TLN1: variants seen among roughly 807,000 people sequenced by gnomAD.
TLN1 encodes the protein talin 1.
A neutral mutation model predicts 292.3 loss-of-function variants in TLN1; 56 were observed. The observed-to-expected ratio is 0.19, with a 90% CI of 0.15 to 0.24. The LOEUF is 0.24. Among genes scored for constraint, TLN1 ranks in the 10% least tolerant of loss-of-function variants. The pLI is 1.00. For synonymous variants in TLN1, 1,119 were observed against 1,253.7 expected, an observed-to-expected ratio of 0.89 and a Z score of 2.27; for missense variants, 2,433 against 3,248.2, an observed-to-expected ratio of 0.75 and a Z score of 6.10.
rs1452034439 is a variant in TLN1 at position 35,729,069 on chromosome 9, T to C, written c.-34+3006A>G. On this transcript the variant is annotated intron_variant, in intron 1 of 56. Transcript: ENST00000314888. ...AAAAACAATAGTGATCTGCCATTTA[T>C]TGACTATGTCACTTGCATTGTATAC... 5.9e-3 allele frequency among the ~76,000 whole-genome samples: 6 copies of C among 1,024 alleles called. No individual in the cohort carries two copies. The East Asian group carries it at 0.42, about 71-fold the overall frequency. The allele number at this position is 1,024 out of a possible 152,430, so 0.7% of individuals were successfully genotyped here. A position where few individuals can be genotyped will look rare whatever the true frequency, so the allele number is the denominator to read the frequency against.
rs534636564 is a variant in TLN1, at chr9:35,723,827, G to T, written c.782+125C>A. Reference sequence around the variant, plus strand: ...GGCAACTAAAAGGGTAGCTATGTTGGTCAAACCCTGGTACCTCGGAAGAAG... The same window carrying T: ...GGCAACTAAAAGGGTAGCTATGTTGTTCAAACCCTGGTACCTCGGAAGAAG... On this transcript the variant is annotated intron_variant, in intron 7 of 56. Transcript: ENST00000314888. 5.2e-5 allele frequency: 76 copies of T among 1,468,582 alleles called. No individual in the cohort carries two copies. In the Admixed American group the frequency reaches 1.4e-3, roughly 28 times the overall value. The allele number at this position is 1,468,582 out of a possible 1,614,324, so 91.0% of individuals were successfully genotyped here. A position where few individuals can be genotyped will look rare whatever the true frequency, so the allele number is the denominator to read the frequency against.
At position 35,701,697 on chromosome 9, in the gene TLN1, G is replaced by A. The variant is rs1182899307; in HGVS notation, c.6475-1321C>T. Among the ~76,000 whole-genome samples the A allele has an allele frequency of 2.0e-5, 3 of 152,222 alleles. No homozygotes were observed. In the East Asian group the frequency reaches 5.8e-4, roughly 29 times the overall value. On this transcript the variant is annotated intron_variant, in intron 48 of 56. Transcript: ENST00000314888. ...ATAAATCCAGTTAAGGACTGATGAT[G>A]GTTTGGACAGTGTGGTAGTGGTAGG...
At chr9:35,731,078 A>T (rs1826069991) in intron 1 of TLN1, among the ~76,000 whole-genome samples, 1 of 152,184 alleles carries the variant, frequency 6.6e-6, no homozygotes. Context: ...CTGGAATCCC[A>T]GATGCCTGCA....
At position 35,717,818 on chromosome 9, in the gene TLN1, G is replaced by A. The variant is rs767331405; in HGVS notation, c.1996-32C>T. 8 of 1,580,556 alleles carry A rather than the reference G, an allele frequency of 5.1e-6. 1 individual carries two copies. The South Asian group carries it at 9.0e-5, about 18-fold the overall frequency. ...GAAAACAGCAGTTAGCATGACCTGA[G>A]ATTGGGCTTGGGATTCACAGACACT... On this transcript the variant is annotated intron_variant, in intron 17 of 56. Transcript: ENST00000314888. This position sits in a 1 kb window ranked among gnomAD's most constrained non-coding sequence, Gnocchi z 4.7.
chr9:35,717,082 G>A lies in TLN1; in HGVS notation c.2458+64C>T. ...GAAGTGGTTAGGTCCGCAAGGGGAT[G>A]ATGTCCAGTGGGCTTAGGGAACCCT... On this transcript the variant is annotated intron_variant, in intron 19 of 56. Transcript: ENST00000314888. This position sits in a 1 kb window ranked among gnomAD's most constrained non-coding sequence, Gnocchi z 4.7. 6.5e-7 allele frequency: 1 copy of A among 1,528,246 alleles called. No homozygotes were observed. Among genetic ancestry groups the A allele is most frequent in the Non-Finnish European group, 8.8e-7 (1 of 1,133,904 alleles). The allele number at this position is 1,528,246 out of a possible 1,614,324, so 94.7% of individuals were successfully genotyped here.
rs374958442 is a variant in TLN1, at chr9:35,706,216, C to T, written c.5341G>A (p.Glu1781Lys). The change falls in exon 40 of 57, where the codon GAG becomes AAG. Residue 1781 changes from glutamate (E) to lysine (K), a missense_variant. Coordinates refer to ENST00000314888, the MANE Select transcript of TLN1 (RefSeq NM_006289.4). This position sits in a 1 kb window ranked among gnomAD's most constrained non-coding sequence, Gnocchi z 4.2. Reference sequence around the variant, plus strand: ...AATACCTTTGGGTTACCACCAGCCTCCTTGGCAGTGTATAGCAACTGCAGG... The same window carrying T: ...AATACCTTTGGGTTACCACCAGCCTTCTTGGCAGTGTATAGCAACTGCAGG... The part of the protein sequence containing the change: ...SALQLLYTAK[E>K]AGGNPKQAAH... The T allele has an allele frequency of 1.9e-6, 3 of 1,609,626 alleles. No homozygotes were observed. The highest frequency in any genetic ancestry group is 2.5e-6 in the Non-Finnish European group (3 of 1,177,668).
rs1166192635 is a variant in TLN1 at position 35,714,397 on chromosome 9, TG to T, written c.2986-25del. ...GGCTGTTGGGGAATAGGCAGGTGGATGAAGTGTGCCATCCTCCCTCTGGGCT... is the reference window on the plus strand; with the variant it reads ...GGCTGTTGGGGAATAGGCAGGTGGATAAGTGTGCCATCCTCCCTCTGGGCT... On this transcript the variant is annotated intron_variant, in intron 23 of 56. Coordinates refer to ENST00000314888, the MANE Select transcript of TLN1 (RefSeq NM_006289.4). This position sits in a 1 kb window ranked among gnomAD's most constrained non-coding sequence, Gnocchi z 4.6. The T allele has an allele frequency of 4.4e-6, 7 of 1,597,602 alleles. No individual in the cohort carries two copies. In the East Asian group the frequency reaches 1.6e-4, roughly 36 times the overall value.
Position 35,711,679 on chromosome 9 carries a change from C to T in TLN1, c.3795G>A (p.Gln1265=), listed in dbSNP as rs1825671451. 7.4e-6 allele frequency: 12 copies of T among 1,614,090 alleles called. No homozygotes were observed. The highest frequency in any genetic ancestry group is 1.3e-5 in the African/African-American group (1 of 74,946). The change falls in exon 29 of 57, where the codon CAG becomes CAA. Residue 1265 remains glutamine, a synonymous_variant. Coordinates refer to ENST00000314888, the MANE Select transcript of TLN1 (RefSeq NM_006289.4). ...ATCGGCCTGAGGCTCGAGCCAGGTC[C>T]TGAGGGGTTCCCCGAGAGGCCTGCA... ...ELVQASRGTP[Q]DLARASGRFG...
In TLN1 at chr9:35,713,006, T is replaced by C; in HGVS notation, c.3390A>G (p.Ser1130=). Residue 1130 remains serine (S), a synonymous_variant, in exon 27 of 57, where the codon TCA becomes TCG. Coordinates refer to ENST00000314888, the MANE Select transcript of TLN1 (RefSeq NM_006289.4). The part of the protein sequence containing the change: ...AARDVAGGLR[S]LAQAARGVAA... ...CGACTCCCCTAGCGGCCTGGGCCAG[T>C]GACCGCAGCCCACCTGCCACATCCC... 1 of 1,608,472 alleles carries C rather than the reference T, an allele frequency of 6.2e-7. No individual in the cohort carries two copies. Among genetic ancestry groups the C allele is most frequent in the Non-Finnish European group, 8.5e-7 (1 of 1,178,344 alleles).
intron 48 of TLN1, 22 bp downstream of exon 48, chr9:35,703,538 G>C: frequency 6.2e-7 from 1 of 1,606,166 alleles, no homozygotes; most frequent in Non-Finnish European, 8.5e-7. Context: ...CCTAGTCACT[G>C]ATGCCCCAGA....
chr9:35,702,920 G>A (rs1316234829), intron 48 of TLN1, among the ~76,000 whole-genome samples: 2 of 152,220 alleles, frequency 1.3e-5, no homozygotes, highest in Non-Finnish European at 2.9e-5. Context: ...ACTAAGAAGA[G>A]GCCACTAGTG....
At position 35,718,926 on chromosome 9, in the gene TLN1, A is replaced by T; in HGVS notation, c.1897-16T>A. On this transcript the variant is annotated splice_polypyrimidine_tract_variant and intron_variant, in intron 16 of 56. Coordinates refer to ENST00000314888, the MANE Select transcript of TLN1 (RefSeq NM_006289.4). ...TCTGACGGGGCTGTGGAGAGTGAAC[A>T]CCAGTCAGAAGCTGCCCAATCCCTG... 6.2e-7 allele frequency: 1 copy of T among 1,609,228 alleles called. No individual in the cohort carries two copies.
Position 35,724,630 on chromosome 9 carries a change from C to G in TLN1, c.453G>C (p.Leu151Phe). ...ITGTLRKDKT[L>F]LRDEKKMEKL... ...TCTCCATCTTCTTTTCATCTCGCAG[C>G]AATGTCTTGTCCTTTCTTAAGGTCC... Residue 151 changes from leucine to phenylalanine, a missense_variant, in exon 5 of 57, where the codon TTG becomes TTC. By Grantham distance (22) the Leu-to-Phe change is conservative (BLOSUM62 0). This residue lies in a region of TLN1 where 155 missense variants were observed against 287.9 expected (regional missense o/e 0.54). Coordinates refer to ENST00000314888, the MANE Select transcript of TLN1 (RefSeq NM_006289.4). The surrounding 1 kb of genome is among the most constrained non-coding windows in gnomAD (Gnocchi z 4.7). 1 of 1,614,242 alleles carries G rather than the reference C, an allele frequency of 6.2e-7. No homozygotes were observed. Among genetic ancestry groups the G allele is most frequent in the Non-Finnish European group, 8.5e-7 (1 of 1,180,044 alleles).
Position 35,714,952 on chromosome 9 carries a change from G to C in TLN1, c.2755-76C>G, listed in dbSNP as rs1457403816. 27 of 1,608,998 alleles carry C rather than the reference G, an allele frequency of 1.7e-5. No individual in the cohort carries two copies. The highest frequency in any genetic ancestry group is 2.3e-5 in the Non-Finnish European group (27 of 1,178,628). On this transcript the variant is annotated intron_variant, in intron 21 of 56. Coordinates refer to ENST00000314888, the MANE Select transcript of TLN1 (RefSeq NM_006289.4). This position sits in a 1 kb window ranked among gnomAD's most constrained non-coding sequence, Gnocchi z 4.6. ...CCAGTCCCTGGCCTACCTTGCCCAG[G>C]TTATGCCTCAAGGACGTATTAACTT... is the stretch of plus-strand genomic sequence containing the variant.
Position 35,704,809 on chromosome 9 carries a change from A to G in TLN1, c.5740T>C (p.Ser1914Pro). 6.2e-7 allele frequency: 1 copy of G among 1,613,504 alleles called. No homozygotes were observed. Among genetic ancestry groups the G allele is most frequent in the Non-Finnish European group, 8.5e-7 (1 of 1,179,500 alleles). ...TCCTGTACCCGGTGTTTGATATGGG[A>G]ACCTATCTGTGAGCCAAGGGAAAGA... is the stretch of plus-strand genomic sequence containing the variant. ...AVAAENEEIGSHIKHRVQELG... is the reference protein window; with the variant it reads ...AVAAENEEIGPHIKHRVQELG... Residue 1914 changes from serine to proline, a missense_variant, in exon 44 of 57, where the codon TCC becomes CCC. This residue lies in a region of TLN1 where 1,384 missense variants were observed against 1,699.6 expected (regional missense o/e 0.81). Coordinates refer to ENST00000314888, the MANE Select transcript of TLN1 (RefSeq NM_006289.4). The surrounding 1 kb of genome is among the most constrained non-coding windows in gnomAD (Gnocchi z 6.9).
Position 35,711,712 on chromosome 9 carries a change from T to A in TLN1, c.3762A>T (p.Thr1254=). 1 of 1,614,152 alleles carries A rather than the reference T, an allele frequency of 6.2e-7. No homozygotes were observed. Among genetic ancestry groups the A allele is most frequent in the African/African-American group, 1.3e-5 (1 of 75,028 alleles). ...EAAAGLNQAA[T]ELVQASRGTP... ...TTCCCCGAGAGGCCTGCACCAGTTC[T>A]GTGGCTGCCTGATTCAGCCCAGCAG... Residue 1254 remains threonine (T), a synonymous_variant, in exon 29 of 57, where the codon ACA becomes ACT. Transcript: ENST00000314888.
chr9:35,719,655 A>T lies in TLN1; in HGVS notation c.1579-28T>A. On this transcript the variant is annotated intron_variant, in intron 14 of 56. Transcript: ENST00000314888. This position sits in a 1 kb window ranked among gnomAD's most constrained non-coding sequence, Gnocchi z 4.6. ...GAAAGAGAGAGGAAAAGCCTTCAGG[A>T]TCTGCCCTGGTTTGGTTCACCTCAT... 6.2e-7 allele frequency: 1 copy of T among 1,612,906 alleles called. No homozygotes were observed. Among genetic ancestry groups the T allele is most frequent in the Non-Finnish European group, 8.5e-7 (1 of 1,178,896 alleles).
In TLN1 at chr9:35,719,886, A is replaced by G; in HGVS notation, c.1465-33T>C. The G allele has an allele frequency of 6.4e-7, 1 of 1,570,316 alleles. No homozygotes were observed. The highest frequency in any genetic ancestry group is 8.7e-7 in the Non-Finnish European group (1 of 1,155,652). ...CAAGTGGGGAGAAACAGGGACTGGA[A>G]TGGATGTTTGGAGAAAAGAGAAGGT... On this transcript the variant is annotated intron_variant, in intron 13 of 56. Coordinates refer to ENST00000314888, the MANE Select transcript of TLN1 (RefSeq NM_006289.4). The surrounding 1 kb of genome is among the most constrained non-coding windows in gnomAD (Gnocchi z 4.6).
rs1825409068 is a variant in TLN1 at position 35,698,595 on chromosome 9, C to T, written c.7188+22G>A. On this transcript the variant is annotated intron_variant, in intron 54 of 56. Transcript: ENST00000314888. This position sits in a 1 kb window ranked among gnomAD's most constrained non-coding sequence, Gnocchi z 5.3. Reference sequence around the variant, plus strand: ...CTCAAGTCTCTCAAACTGAGAGAGACCTAGTGGTATTGCACACTTACAGCA... The same window carrying T: ...CTCAAGTCTCTCAAACTGAGAGAGATCTAGTGGTATTGCACACTTACAGCA... 2 of 1,614,040 alleles carry T rather than the reference C, an allele frequency of 1.2e-6. No homozygotes were observed. The highest frequency in any genetic ancestry group is 3.3e-5 in the Admixed American group (2 of 60,008).
Sources: gnomAD v4.1 joint callset for allele counts (sites outside exome capture counted in the v4.1 genomes callset) on GRCh38, gnomAD v4.1.1 for gene constraint, gnomAD v4.1.1 regional missense constraint, Gnocchi (gnomAD v3.1) non-coding constraint, MANE v1.5 for transcripts, NCBI Gene and HGNC (gene_info 2026-07-23, HGNC 2026-07-21) for gene names.